ZFAND1: variants seen among roughly 807,000 people sequenced by gnomAD.
The protein encoded by ZFAND1 is AN1-type zinc finger protein 1.
In ZFAND1, 40 loss-of-function variants were observed where a neutral mutation model predicts 38.5. The ratio of observed to expected loss-of-function variants is 1.04; its 90% CI spans 0.81 to 1.35. The LOEUF is 1.35. Among genes scored for constraint, ZFAND1 ranks in the 40% most tolerant of loss-of-function variants. The probability of loss-of-function intolerance (pLI) is 0.00; values close to 1 mark genes in which losing one functional copy is unlikely to be tolerated. For missense variants in ZFAND1, 346 were observed against 316.3 expected (o/e 1.09, Z -0.71); for synonymous variants, 117 against 103.6 (o/e 1.13, Z -0.78).
intron 6 of ZFAND1, among the ~76,000 whole-genome samples, chr8:81,706,488 C>A (rs16919644): frequency 0.059 from 8,841 of 150,846 alleles, 366 homozygotes; most frequent in African/African-American, 0.12. Flanking sequence ...TGGATAAAGC[C>A]TTTCAAGCTC....
At chr8:81,717,757 A>C (rs1808359991) in intron 2 of ZFAND1, among the ~76,000 whole-genome samples, 1 of 152,114 alleles carries the variant, frequency 6.6e-6, no homozygotes, top group Admixed American at 6.5e-5. Flanking sequence ...CTGTAAGGAA[A>C]ATCCATTTTC....
At position 81,702,741 on chromosome 8, in the gene ZFAND1, T is replaced by C. The variant is rs752166418; in HGVS notation, c.761A>G (p.Asn254Ser). 1 of 1,587,302 alleles carries C rather than the reference T, an allele frequency of 6.3e-7. No homozygotes were observed. Among genetic ancestry groups the C allele is most frequent in the Admixed American group, 1.8e-5 (1 of 54,796 alleles). ...ATTTTTACAGAATTGTTCTTCATCA[T>C]TAAGATATTCCAAGATTATATTTCC... Reference protein sequence around the residue: ...NGGNIILEYLNDEEQFCKNVE... With the variant: ...NGGNIILEYLSDEEQFCKNVE... Residue 254 changes from asparagine (N) to serine (S), a missense_variant, in exon 8 of 8, where the codon AAT becomes AGT. Transcript: ENST00000220669.
chr8:81,702,181 G>A lies in ZFAND1; in HGVS notation c.*514C>T, dbSNP rs1413204081. The A allele has an allele frequency of 7.2e-5, 11 of 152,258 alleles. No homozygotes were observed. The highest frequency in any genetic ancestry group is 7.2e-4 in the Admixed American group (11 of 15,266). The allele number at this position is 152,258 out of a possible 1,614,324, so 9.4% of individuals were successfully genotyped here. On this transcript the variant is annotated 3_prime_UTR_variant, in exon 8 of 8. Transcript: ENST00000220669. ...GTAGATATATCAATTTATACATCATGATGTAGACAGACAGCAAGGCTATAC... is the reference window on the plus strand; with the variant it reads ...GTAGATATATCAATTTATACATCATAATGTAGACAGACAGCAAGGCTATAC...
chr8:81,702,691 A>G lies in ZFAND1; in HGVS notation c.*4T>C, dbSNP rs201469575. ...TGTGATTTCTGACTTGAATCTTTGAATGACTATTCCAAGTAAGATTCAACA... is the reference window on the plus strand; with the variant it reads ...TGTGATTTCTGACTTGAATCTTTGAGTGACTATTCCAAGTAAGATTCAACA... On this transcript the variant is annotated 3_prime_UTR_variant, in exon 8 of 8. Transcript: ENST00000220669. The G allele has an allele frequency of 1.1e-4, 161 of 1,483,876 alleles. 1 individual carries two copies. The East Asian group carries it at 4.0e-3, about 37-fold the overall frequency. The allele number at this position is 1,483,876 out of a possible 1,614,324, so 91.9% of individuals were successfully genotyped here.
At chr8:81,719,356 A>ACACACACACACACAC (rs1563611539) in intron 1 of ZFAND1, among the ~76,000 whole-genome samples, 16 of 55,082 alleles carry the variant, frequency 2.9e-4, no homozygotes, top group African/African-American at 1.3e-3. Flanking sequence ...CACACACACA[A>ACACACACACACACAC]ATTAGCTGGG....
At chr8:81,706,755 C>A (rs1485910638) in intron 6 of ZFAND1, among the ~76,000 whole-genome samples, 1 of 151,950 alleles carries the variant, frequency 6.6e-6, no homozygotes, top group Non-Finnish European at 1.5e-5. Flanking sequence ...GAAAAAACTT[C>A]TAAAATTAAT....
intron 3 of ZFAND1, among the ~76,000 whole-genome samples, chr8:81,715,410 C>T (rs1808276957): frequency 6.6e-6 from 1 of 152,124 alleles, no homozygotes; most frequent in South Asian, 2.1e-4. Context: ...AAAGGTGCCC[C>T]TATGATATGC....
In ZFAND1 at chr8:81,714,998, ATTC is replaced by A; in HGVS notation, c.252_254del (p.Lys84del). The A allele has an allele frequency of 6.2e-7, 1 of 1,614,038 alleles. No homozygotes were observed. The highest frequency in any genetic ancestry group is 1.1e-5 in the South Asian group (1 of 91,076). On this transcript the variant is annotated inframe_deletion, in exon 4 of 8. Coordinates refer to ENST00000220669, the MANE Select transcript of ZFAND1 (RefSeq NM_024699.3). ...AAGTGATCAATCACCTCAGGCAAAA[ATTC>A]TTCTCACAATAAGGACATATAACTG...
chr8:81,710,460 GA>G (rs1325989688), intron 6 of ZFAND1, among the ~76,000 whole-genome samples: 1 of 152,026 alleles, frequency 6.6e-6, no homozygotes, highest in African/African-American at 2.4e-5. Context: ...AAAGGAAAGA[GA>G]AAGAGTCAAA....
At chr8:81,708,040 G>C (rs1313294910) in intron 6 of ZFAND1, among the ~76,000 whole-genome samples, 1 of 152,072 alleles carries the variant, frequency 6.6e-6, no homozygotes, top group African/African-American at 2.4e-5. Context: ...CCTGAAGTCA[G>C]GAGTTCGAGA....
chr8:81,709,259 T>G (rs575003338), intron 6 of ZFAND1, among the ~76,000 whole-genome samples: 2 of 152,162 alleles, frequency 1.3e-5, no homozygotes, highest in African/African-American at 4.8e-5. Context: ...GGATATATAG[T>G]CTACCCCAAA....
chr8:81,714,790 T>C lies in ZFAND1; in HGVS notation c.358+14A>G. On this transcript the variant is annotated intron_variant, in intron 5 of 7. Coordinates refer to ENST00000220669, the MANE Select transcript of ZFAND1 (RefSeq NM_024699.3). ...AACTAGGAAAGCAACAAAACACGCT[T>C]TCTAGATACTTACCAATAATGTCTT... The C allele has an allele frequency of 6.2e-7, 1 of 1,612,602 alleles. No individual in the cohort carries two copies. Among genetic ancestry groups the C allele is most frequent in the Non-Finnish European group, 8.5e-7 (1 of 1,178,730 alleles).
chr8:81,715,698 C>A lies in ZFAND1; in HGVS notation c.139-584G>T, dbSNP rs574000101. ...TCAGCCAGGCTATTCTGAGCATTAACAAACCAGGTTTCTAAAGACGAGTAA... is the reference window on the plus strand; with the variant it reads ...TCAGCCAGGCTATTCTGAGCATTAAAAAACCAGGTTTCTAAAGACGAGTAA... On this transcript the variant is annotated intron_variant, in intron 3 of 7. Coordinates refer to ENST00000220669, the MANE Select transcript of ZFAND1 (RefSeq NM_024699.3). Among the ~76,000 whole-genome samples the A allele has an allele frequency of 9.3e-5, 14 of 150,418 alleles. No homozygotes were observed. The South Asian group carries it at 2.9e-3, about 32-fold the overall frequency.
intron 6 of ZFAND1, among the ~76,000 whole-genome samples, chr8:81,712,297 T>C (rs1808159961): frequency 6.6e-6 from 1 of 152,132 alleles, no homozygotes; most frequent in Non-Finnish European, 1.5e-5. Context: ...TTGATGAAAC[T>C]TTAGATACAT....
intron 3 of ZFAND1, among the ~76,000 whole-genome samples, chr8:81,716,524 G>A (rs1585929047): frequency 6.6e-6 from 1 of 152,130 alleles, no homozygotes; most frequent in Non-Finnish European, 1.5e-5. Flanking sequence ...GTCTTAAGTC[G>A]ACTGAGCCAG....
chr8:81,706,370 CAAAAAA>C lies in ZFAND1; in HGVS notation c.481-3252_481-3247del, dbSNP rs35031788. Among the ~76,000 whole-genome samples the C allele has an allele frequency of 6.4e-3, 465 of 72,688 alleles. 2 individuals carry two copies. The highest frequency in any genetic ancestry group is 0.023 in the African/African-American group (437 of 18,964). 47.7% of individuals were successfully genotyped at this position (72,688 alleles called of 152,430 possible). A position where few individuals can be genotyped will look rare whatever the true frequency, so the allele number is the denominator to read the frequency against. On this transcript the variant is annotated intron_variant, in intron 6 of 7. Coordinates refer to ENST00000220669, the MANE Select transcript of ZFAND1 (RefSeq NM_024699.3). ...CAAGTAAGCCCTAAGGAAGGAGAAA[CAAAAAA>C]AAAAAAAAAAAAAAAAAAGAAGTGT...
At chr8:81,713,310 A>C (rs1808199037) in intron 6 of ZFAND1, among the ~76,000 whole-genome samples, 1 of 151,818 alleles carries the variant, frequency 6.6e-6, no homozygotes. Context: ...TTTTTAGTAG[A>C]GATGGGGTTT....
rs569227497 is a variant in ZFAND1, at chr8:81,708,982, A to T, written c.480+4936T>A. On this transcript the variant is annotated intron_variant, in intron 6 of 7. Coordinates refer to ENST00000220669, the MANE Select transcript of ZFAND1 (RefSeq NM_024699.3). The stretch of plus-strand genomic sequence containing the variant: ...TGTAATTTCTTTGTAAAGTTGTTTG[A>T]CAATTTTTATTAAAATCTAAAATAT... Among the ~76,000 whole-genome samples the T allele has an allele frequency of 9.8e-5, 15 of 152,358 alleles. No individual in the cohort carries two copies. The South Asian group carries it at 3.1e-3, about 32-fold the overall frequency.
intron 1 of ZFAND1, 148 bp downstream of exon 1, chr8:81,721,079 T>C: frequency 1.5e-6 from 1 of 652,788 alleles, no homozygotes; most frequent in Non-Finnish European, 2.7e-6. Flanking sequence ...CCGATCTCAC[T>C]GCAGCCCCAG....
Sources: allele counts gnomAD v4.1 joint callset (sites outside exome capture counted in the v4.1 genomes callset), GRCh38; gene constraint gnomAD v4.1.1; transcripts MANE v1.5; gene names NCBI Gene and HGNC (gene_info 2026-07-23, HGNC 2026-07-21).